HECA: variants seen among roughly 807,000 people sequenced by gnomAD.
The protein encoded by HECA is HECA ribonucleoprotein granule regulator.
A neutral mutation model predicts 37.6 loss-of-function variants in HECA; 13 were observed. The ratio of observed to expected loss-of-function variants is 0.35; its 90% CI spans 0.23 to 0.55. The LOEUF (loss-of-function observed/expected upper bound fraction) is 0.55, where lower values mean the gene tolerates loss of function less well. Among genes scored for constraint, HECA ranks in the 20% least tolerant of loss-of-function variants. The probability of loss-of-function intolerance (pLI) is 0.90; values close to 1 mark genes in which losing one functional copy is unlikely to be tolerated. For missense variants in HECA, 527 were observed against 701.9 expected, an observed-to-expected ratio of 0.75 and a Z score of 2.82; for synonymous variants, 307 against 291.5, an observed-to-expected ratio of 1.05 and a Z score of -0.54.
chr6:139,140,265 T>A (rs1383183276), intron 1 of HECA, among the ~76,000 whole-genome samples: 3 of 152,250 alleles, frequency 2.0e-5, no homozygotes, highest in Non-Finnish European at 4.4e-5. Context: ...TCAAGGAATA[T>A]CTGTTGAGGA....
intron 3 of HECA, among the ~76,000 whole-genome samples, chr6:139,175,762 T>C (rs1231419881): frequency 2.0e-5 from 3 of 152,188 alleles, no homozygotes; most frequent in Admixed American, 6.5e-5. Flanking sequence ...TGGTACACCA[T>C]TGAAAGGCAA....
chr6:139,168,080 C>T (rs1382882369), intron 2 of HECA, among the ~76,000 whole-genome samples: 16 of 152,280 alleles, frequency 1.1e-4, no homozygotes, highest in Non-Finnish European at 1.5e-5. Context: ...TGTCTCCTTC[C>T]CACCAACCCT....
In HECA at chr6:139,176,685, G is replaced by A. The variant is rs1422570779; in HGVS notation, c.1468-256G>A. ...CAGGGGGAGGGGTTTCTTATTGTTA[G>A]GGAACTTCAGTGGAGAGCATTTAGG... On this transcript the variant is annotated intron_variant, in intron 3 of 3. Coordinates refer to ENST00000367658, the MANE Select transcript of HECA (RefSeq NM_016217.3). This position sits in a 1 kb window ranked among gnomAD's most constrained non-coding sequence, Gnocchi z 4.5. Among the ~76,000 whole-genome samples the A allele has an allele frequency of 6.6e-6, 1 of 152,296 alleles. No homozygotes were observed. The highest frequency in any genetic ancestry group is 1.9e-4 in the East Asian group (1 of 5,186).
At chr6:139,138,258 T>C (rs1347275182) in intron 1 of HECA, among the ~76,000 whole-genome samples, 1 of 152,172 alleles carries the variant, frequency 6.6e-6, no homozygotes, top group Non-Finnish European at 1.5e-5. Context: ...CAAAATCAAC[T>C]AAGGACCAAT....
rs1249618886 is a variant in HECA, at chr6:139,135,576, C to G, written c.180C>G (p.Ala60=). ...CGAAAAGAPG[A]GGAAGAGGAG... is the part of the protein sequence containing the mutation. ...CGGCGGCGGCGGGCGCGCCGGGCGCCGGAGGCGCGGCGGGCGCCGGAGGCG... is the reference window on the plus strand; with the variant it reads ...CGGCGGCGGCGGGCGCGCCGGGCGCGGGAGGCGCGGCGGGCGCCGGAGGCG... The change falls in exon 1 of 4, where the codon GCC becomes GCG. Residue 60 remains alanine (A), a synonymous_variant. Coordinates refer to ENST00000367658, the MANE Select transcript of HECA (RefSeq NM_016217.3). 8.5e-6 allele frequency: 8 copies of G among 943,836 alleles called. No individual in the cohort carries two copies. Among genetic ancestry groups the G allele is most frequent in the Non-Finnish European group, 1.0e-5 (8 of 798,036 alleles). 58.5% of individuals were successfully genotyped at this position (943,836 alleles called of 1,614,324 possible). A position where few individuals can be genotyped will look rare whatever the true frequency, so the allele number is the denominator to read the frequency against.
chr6:139,154,786 T>A (rs1414239621), intron 1 of HECA, among the ~76,000 whole-genome samples: 2 of 152,174 alleles, frequency 1.3e-5, no homozygotes, highest in African/African-American at 4.8e-5. Context: ...ACATGGTAAA[T>A]GAAAATCACA....
chr6:139,147,519 G>GA (rs1316068784), intron 1 of HECA, among the ~76,000 whole-genome samples: 3 of 152,108 alleles, frequency 2.0e-5, no homozygotes, highest in African/African-American at 7.2e-5. Flanking sequence ...CAGCTACTCG[G>GA]GAGGCTGAGG....
At chr6:139,137,145 C>G (rs1173944530) in intron 1 of HECA, among the ~76,000 whole-genome samples, 1 of 152,078 alleles carries the variant, frequency 6.6e-6, no homozygotes, top group South Asian at 2.1e-4. Context: ...AGCCTGTGTT[C>G]TTCATGTTCT....
Position 139,135,109 on chromosome 6 carries a change from C to A in HECA, c.-288C>A, listed in dbSNP as rs1025285780. 1.9e-5 allele frequency: 3 copies of A among 158,220 alleles called. No homozygotes were observed. Among genetic ancestry groups the A allele is most frequent in the African/African-American group, 7.2e-5 (3 of 41,646 alleles). 9.8% of individuals were successfully genotyped at this position (158,220 alleles called of 1,614,324 possible). On this transcript the variant is annotated 5_prime_UTR_variant, in exon 1 of 4. Transcript: ENST00000367658. Reference sequence around the variant, plus strand: ...CAGCCGAATCAAAACAAGCCGGAGACCCGCCTTTTCCCTCCGGCTCGGGAG... The same window carrying A: ...CAGCCGAATCAAAACAAGCCGGAGAACCGCCTTTTCCCTCCGGCTCGGGAG...
chr6:139,168,079 C>T (rs1774918614), intron 2 of HECA, among the ~76,000 whole-genome samples: 1 of 152,212 alleles, frequency 6.6e-6, no homozygotes, highest in African/African-American at 2.4e-5. Context: ...CTGTCTCCTT[C>T]CCACCAACCC....
chr6:139,168,661 T>A (rs1354166854), intron 2 of HECA, among the ~76,000 whole-genome samples: 2 of 152,142 alleles, frequency 1.3e-5, no homozygotes, highest in Non-Finnish European at 2.9e-5. Context: ...GTCCTATTTT[T>A]AAAAATCTTG....
Position 139,167,074 on chromosome 6 carries a change from T to C in HECA, c.1062T>C (p.Thr354=). 1 of 1,614,152 alleles carries C rather than the reference T, an allele frequency of 6.2e-7. No homozygotes were observed. The highest frequency in any genetic ancestry group is 8.5e-7 in the Non-Finnish European group (1 of 1,180,014). The change falls in exon 2 of 4, where the codon ACT becomes ACC. Residue 354 remains threonine, a synonymous_variant. Coordinates refer to ENST00000367658, the MANE Select transcript of HECA (RefSeq NM_016217.3). The part of the protein sequence containing the change: ...LRRLDLSELL[T]HIPRHKLNTF... Reference sequence around the variant, plus strand: ...GGCTGGACCTCTCCGAACTCCTCACTCACATCCCCAGGCATAAGCTGAACA... The same window carrying C: ...GGCTGGACCTCTCCGAACTCCTCACCCACATCCCCAGGCATAAGCTGAACA...
rs1401490411 is a variant in HECA, at chr6:139,179,101, G to A, written c.*1996G>A. 6.6e-6 allele frequency: 1 copy of A among 152,162 alleles called. No homozygotes were observed. The highest frequency in any genetic ancestry group is 6.5e-5 in the Admixed American group (1 of 15,274). The allele number at this position is 152,162 out of a possible 1,614,324, so 9.4% of individuals were successfully genotyped here. ...CTGACAGTGTTTGATGCAACTAAAAGAGGATTGTAAGACATAGCTTTCTGC... is the reference window on the plus strand; with the variant it reads ...CTGACAGTGTTTGATGCAACTAAAAAAGGATTGTAAGACATAGCTTTCTGC... On this transcript the variant is annotated 3_prime_UTR_variant, in exon 4 of 4. Transcript: ENST00000367658.
chr6:139,158,436 G>C (rs756388493), intron 1 of HECA, among the ~76,000 whole-genome samples: 6 of 151,170 alleles, frequency 4.0e-5, no homozygotes, highest in Non-Finnish European at 7.4e-5. Context: ...CTGGGAGGCG[G>C]AGCTTGCAGT....
intron 2 of HECA, among the ~76,000 whole-genome samples, chr6:139,171,752 C>A (rs1774975711): frequency 6.6e-6 from 1 of 152,072 alleles, no homozygotes; most frequent in Non-Finnish European, 1.5e-5. Flanking sequence ...CCAGCTTCTC[C>A]AGTAGCTAGG....
chr6:139,154,367 A>G (rs1259035273), intron 1 of HECA, among the ~76,000 whole-genome samples: 1 of 152,222 alleles, frequency 6.6e-6, no homozygotes, highest in Non-Finnish European at 1.5e-5. Flanking sequence ...CCAAAACAGC[A>G]TTCTGATTCA....
rs1320909518 is a variant in HECA at position 139,166,290 on chromosome 6, C to T, written c.278C>T (p.Pro93Leu). ...CTCTTTATTCCTCCCCCAGAAGCCCCATGTGCCACTCCCCTGATCTGCAGC... is the reference window on the plus strand; with the variant it reads ...CTCTTTATTCCTCCCCCAGAAGCCCTATGTGCCACTCCCCTGATCTGCAGC... Reference protein sequence around the residue: ...AAAGDAKNEAPCATPLICSFG... With the variant: ...AAAGDAKNEALCATPLICSFG... Residue 93 changes from proline (P) to leucine (L), a missense_variant, in exon 2 of 4, where the codon CCA (proline) becomes CTA (leucine). Physicochemically the swap from Pro to Leu is moderately conservative, Grantham distance 98. Coordinates refer to ENST00000367658, the MANE Select transcript of HECA (RefSeq NM_016217.3). 6.3e-7 allele frequency: 1 copy of T among 1,597,302 alleles called. No homozygotes were observed. Among genetic ancestry groups the T allele is most frequent in the Admixed American group, 1.7e-5 (1 of 58,130 alleles).
intron 1 of HECA, among the ~76,000 whole-genome samples, chr6:139,152,417 G>GGTGTGTGTGT (rs1562244500): frequency 7.9e-5 from 3 of 38,168 alleles, no homozygotes; most frequent in African/African-American, 4.1e-4. Context: ...TGAAGCATTG[G>GGTGTGTGTGT]ATGTGTGTGT....
intron 1 of HECA, among the ~76,000 whole-genome samples, chr6:139,156,495 C>T (rs542006188): frequency 3.2e-4 from 48 of 152,298 alleles, no homozygotes; most frequent in African/African-American, 1.1e-3. Context: ...TAAGCGTGTG[C>T]CATTGTGTCC....
Sources: allele counts gnomAD v4.1 joint callset (sites outside exome capture counted in the v4.1 genomes callset), GRCh38; gene constraint gnomAD v4.1.1; non-coding constraint Gnocchi (gnomAD v3.1); transcripts MANE v1.5; gene names NCBI Gene and HGNC (gene_info 2026-07-23, HGNC 2026-07-21).